SLC5A4: variants seen among roughly 807,000 people sequenced by gnomAD.
SLC5A4 encodes solute carrier family 5 member 4.
A neutral mutation model predicts 70.3 loss-of-function variants in SLC5A4; 55 were observed. The ratio of observed to expected loss-of-function variants is 0.78; its 90% CI spans 0.63 to 0.98. The LOEUF is 0.98. Ranked by LOEUF, SLC5A4 falls within the 50% of genes least tolerant of loss-of-function variation. The probability of loss-of-function intolerance (pLI) is 0.00; values close to 1 mark genes in which losing one functional copy is unlikely to be tolerated. For missense variants in SLC5A4, 735 were observed against 839.2 expected, an observed-to-expected ratio of 0.88 and a Z score of 1.53; for synonymous variants, 268 against 305.7, an observed-to-expected ratio of 0.88 and a Z score of 1.29.
chr22:32,263,038 GATTACA>G, the SLC5A4 span, among the ~76,000 whole-genome samples: 1 of 151,554 alleles, frequency 6.6e-6, no homozygotes, highest in East Asian at 1.9e-4. Context: ...AAAGTGCTGG[GATTACA>G]GGCATGAGCC....
chr22:32,262,371 T>C, the SLC5A4 span, among the ~76,000 whole-genome samples: 34 of 152,158 alleles, frequency 2.2e-4, no homozygotes, highest in Admixed American at 1.0e-3. Flanking sequence ...CAGCCACAGG[T>C]TGTTGCTCAC....
chr22:32,292,072 G>A, the SLC5A4 span, among the ~76,000 whole-genome samples: 1 of 130,454 alleles, frequency 7.7e-6, no homozygotes, highest in African/African-American at 3.0e-5. Flanking sequence ...CGGGGTTTTA[G>A]TATATATATA....
chr22:32,348,063 G>A, the SLC5A4 span, among the ~76,000 whole-genome samples: 2 of 152,112 alleles, frequency 1.3e-5, no homozygotes, highest in Non-Finnish European at 2.9e-5. Flanking sequence ...ATTGACGGCT[G>A]GGTTGTGGTG....
chr22:32,284,696 A>G, the SLC5A4 span: 1 of 152,216 alleles, frequency 6.6e-6, no homozygotes, highest in Non-Finnish European at 1.5e-5. Flanking sequence ...GCTCAGATTC[A>G]CGGGGAGGAG....
At chr22:32,282,856 C>T in the SLC5A4 span, among the ~76,000 whole-genome samples, 16 of 152,302 alleles carry the variant, frequency 1.1e-4, no homozygotes, top group East Asian at 3.1e-3. Flanking sequence ...GTTCCATTGC[C>T]CCAGCGCATC....
the SLC5A4 span, among the ~76,000 whole-genome samples, chr22:32,265,403 G>A: frequency 1.3e-5 from 2 of 151,626 alleles, no homozygotes; most frequent in Non-Finnish European, 2.9e-5. Context: ...AAAAAAATTT[G>A]CTTCCTTAAA....
At chr22:32,289,866 T>C in the SLC5A4 span, among the ~76,000 whole-genome samples, 1 of 152,232 alleles carries the variant, frequency 6.6e-6, no homozygotes, top group East Asian at 1.9e-4. Context: ...GGCTGATGAG[T>C]GAGACTTACT....
chr22:32,350,435 T>C, the SLC5A4 span, among the ~76,000 whole-genome samples: 574 of 152,312 alleles, frequency 3.8e-3, 6 homozygotes, highest in African/African-American at 0.013. Context: ...CTGGGTTTCA[T>C]GTCCTCATCT....
chr22:32,221,132 C>T (rs1187358805), intron 13 of SLC5A4, 110 bp from the exon 14 acceptor site: 6 of 703,106 alleles, frequency 8.5e-6, no homozygotes, highest in Non-Finnish European at 1.5e-5. Context: ...TCAAACCATA[C>T]AGGAGAATAT....
the SLC5A4 span, among the ~76,000 whole-genome samples, chr22:32,267,305 G>C: frequency 6.6e-6 from 1 of 152,146 alleles, no homozygotes; most frequent in Non-Finnish European, 1.5e-5. Context: ...TGAATAAGGT[G>C]GGAGGAGGGA....
rs987435305 is a variant in SLC5A4, at chr22:32,248,758, G to A, written c.357C>T (p.Ile119=). 6.2e-7 allele frequency: 1 copy of A among 1,612,586 alleles called. No homozygotes were observed. Among genetic ancestry groups the A allele is most frequent in the Non-Finnish European group, 8.5e-7 (1 of 1,178,776 alleles). ...LLILGWIFVP[I]YIKSGVMTMP... is the part of the protein sequence containing the mutation. The stretch of plus-strand genomic sequence containing the variant: ...AGATACTCACCCCCGACTTGATGTA[G>A]ATAGGGACAAAGATCCACCCAAGAA... Residue 119 remains isoleucine, a synonymous_variant, in exon 4 of 15, where the codon ATC becomes ATT. Coordinates refer to ENST00000266086, the MANE Select transcript of SLC5A4 (RefSeq NM_014227.3).
the SLC5A4 span, chr22:32,269,618 C>A: frequency 1.6e-6 from 1 of 609,862 alleles, no homozygotes; most frequent in African/African-American, 1.8e-5. The surrounding 1 kb of genome is among the most constrained non-coding windows in gnomAD (Gnocchi z 4.1). Flanking sequence ...AGGCTCTGGC[C>A]GTACCCAAGC....
At chr22:32,253,888 A>T (rs2235169) in intron 2 of SLC5A4, among the ~76,000 whole-genome samples, 1 of 151,616 alleles carries the variant, frequency 6.6e-6, no homozygotes, top group Non-Finnish European at 1.5e-5. Flanking sequence ...TCAAGTGATT[A>T]TCCTGCCTCA....
chr22:32,291,227 G>A, the SLC5A4 span, among the ~76,000 whole-genome samples: 4 of 125,332 alleles, frequency 3.2e-5, no homozygotes, highest in African/African-American at 1.2e-4. Flanking sequence ...TTTTTGAGAT[G>A]GAGTCTTTCT....
the SLC5A4 span, among the ~76,000 whole-genome samples, chr22:32,338,232 A>C: frequency 6.6e-6 from 1 of 152,224 alleles, no homozygotes; most frequent in African/African-American, 2.4e-5. Context: ...TGGGGGATAA[A>C]TGTTGCTTCA....
At chr22:32,230,396 C>G (rs1323437025) in intron 10 of SLC5A4, among the ~76,000 whole-genome samples, 1 of 152,100 alleles carries the variant, frequency 6.6e-6, no homozygotes, top group Non-Finnish European at 1.5e-5. Context: ...GGTTTATTTT[C>G]TATCTCATAC....
the SLC5A4 span, among the ~76,000 whole-genome samples, chr22:32,265,450 GA>G: frequency 6.6e-6 from 1 of 152,138 alleles, no homozygotes; most frequent in Non-Finnish European, 1.5e-5. Flanking sequence ...AGAGAATCAT[GA>G]AACTGCAAGG....
At chr22:32,245,290 G>C (rs910531724) in intron 5 of SLC5A4, among the ~76,000 whole-genome samples, 2 of 152,188 alleles carry the variant, frequency 1.3e-5, no homozygotes, top group Admixed American at 1.3e-4. Flanking sequence ...CTGCAGGCAA[G>C]AATGGACTCC....
chr22:32,344,520 G>A, the SLC5A4 span, among the ~76,000 whole-genome samples: 1 of 152,016 alleles, frequency 6.6e-6, no homozygotes, highest in East Asian at 1.9e-4. Flanking sequence ...ATGCGATATT[G>A]ACAAGACATA....
Sources: gnomAD v4.1 joint callset for allele counts (sites outside exome capture counted in the v4.1 genomes callset) on GRCh38, gnomAD v4.1.1 for gene constraint, Gnocchi (gnomAD v3.1) non-coding constraint, MANE v1.5 for transcripts, NCBI Gene and HGNC (gene_info 2026-07-23, HGNC 2026-07-21) for gene names.